Variants in KRT71 observed in about 807,000 individuals in gnomAD.
KRT71 encodes the protein keratin, type II cytoskeletal 71.
Under a neutral mutation model 46.2 loss-of-function variants are expected in KRT71, and 42 were observed. That is an observed-to-expected ratio of 0.91 (90% CI 0.71 to 1.18). The LOEUF (loss-of-function observed/expected upper bound fraction) is 1.18. KRT71 is among the 50% of genes most tolerant of loss of function. The pLI is 0.00. For synonymous variants in KRT71, 292 were observed against 277.8 expected, an observed-to-expected ratio of 1.05 and a Z score of -0.51; for missense variants, 708 against 677.9, an observed-to-expected ratio of 1.04 and a Z score of -0.49.
chr12:52,547,014 A>G (rs1486737130), intron 6 of KRT71, among the ~76,000 whole-genome samples: 5 of 152,162 alleles, frequency 3.3e-5, no homozygotes, highest in Non-Finnish European at 7.4e-5. Flanking sequence ...ACATAACTTA[A>G]CGCATTTAGT....
chr12:52,546,400 G>A lies in KRT71; in HGVS notation c.1211C>T (p.Ala404Val). 6.2e-7 allele frequency: 1 copy of A among 1,614,188 alleles called. No homozygotes were observed. The highest frequency in any genetic ancestry group is 8.5e-7 in the Non-Finnish European group (1 of 1,180,028). Residue 404 changes from alanine to valine, a missense_variant, in exon 7 of 9, where the codon GCC becomes GTC. By Grantham distance (64) the Ala-to-Val change is moderately conservative. Coordinates refer to ENST00000267119, the MANE Select transcript of KRT71 (RefSeq NM_033448.3). ...LDELEGALHQAKEELARMLRE... is the reference protein window; with the variant it reads ...LDELEGALHQVKEELARMLRE... Reference sequence around the variant, plus strand: ...CAGCATCCGCGCCAGCTCCTCCTTGGCCTGGTGCAGGGCGCCCTCCAGCTC... The same window carrying A: ...CAGCATCCGCGCCAGCTCCTCCTTGACCTGGTGCAGGGCGCCCTCCAGCTC...
intron 6 of KRT71, 144 bp from the exon 7 acceptor site, chr12:52,546,650 T>G: frequency 1.3e-6 from 1 of 794,340 alleles, no homozygotes; most frequent in Admixed American, 2.8e-5. Context: ...GCAGAGCCCC[T>G]TCTGGGGCTG....
chr12:52,549,997 T>G (rs771757607), intron 2 of KRT71, 32 bp downstream of exon 2: 1 of 1,612,542 alleles, frequency 6.2e-7, no homozygotes, highest in Non-Finnish European at 8.5e-7. Context: ...CAAGGGCAGT[T>G]GTCCAGTTAC....
chr12:52,550,052 G>C lies in KRT71; in HGVS notation c.633C>G (p.Asp211Glu). Residue 211 changes from aspartate to glutamate, a missense_variant, in exon 2 of 9, where the codon GAC (aspartate) becomes GAG (glutamate). Physicochemically the swap from Asp to Glu is conservative, Grantham distance 45. Coordinates refer to ENST00000267119, the MANE Select transcript of KRT71 (RefSeq NM_033448.3). ...ACCTCTTCTTGTAGTCCTCCACTAC[G>C]TCCCGCACATTCCTCAGCTCCGAGT... Reference protein sequence around the residue: ...RLDSELRNVRDVVEDYKKRYE... With the variant: ...RLDSELRNVREVVEDYKKRYE... 6.2e-7 allele frequency: 1 copy of C among 1,614,150 alleles called. No individual in the cohort carries two copies. Among genetic ancestry groups the C allele is most frequent in the Non-Finnish European group, 8.5e-7 (1 of 1,180,008 alleles).
In KRT71 at chr12:52,548,717, C is replaced by G; in HGVS notation, c.797G>C (p.Arg266Thr). Residue 266 changes from arginine to threonine, a missense_variant, in exon 4 of 9, where the codon AGG (arginine) becomes ACG (threonine). Transcript: ENST00000267119. ...CAGACTTACGGCTTCAAAGAGACAC[C>G]TGAAGAACTTGATCTCCTGGTCCAT... ...ESMDQEIKFF[R>T]CLFEAEITQI... 6.2e-7 allele frequency: 1 copy of G among 1,614,184 alleles called. No homozygotes were observed. Among genetic ancestry groups the G allele is most frequent in the East Asian group, 2.2e-5 (1 of 44,886 alleles).
chr12:52,544,711 A>G lies in KRT71; in HGVS notation c.1393T>C (p.Tyr465His), dbSNP rs970606494. The change falls in exon 9 of 9, where the codon TAT (tyrosine) becomes CAT (histidine). Residue 465 changes from tyrosine to histidine, a missense_variant. By Grantham distance (83) the Tyr-to-His change is moderately conservative. Transcript: ENST00000267119. ...CTGACCATGCTGGGCCGGAAGCCAT[A>G]GACACTGCCGCCACTGGTGCTGCTG... is the stretch of plus-strand genomic sequence containing the variant. The part of the protein sequence containing the change: ...IISSTSGGSV[Y>H]GFRPSMVSGG... 4 of 1,611,914 alleles carry G rather than the reference A, an allele frequency of 2.5e-6. No homozygotes were observed. Among genetic ancestry groups the G allele is most frequent in the Non-Finnish European group, 3.4e-6 (4 of 1,179,618 alleles).
Position 52,549,353 on chromosome 12 carries a change from C to T in KRT71, c.657G>A (p.Arg219=). The T allele has an allele frequency of 1.2e-6, 2 of 1,612,922 alleles. No individual in the cohort carries two copies. The highest frequency in any genetic ancestry group is 1.7e-5 in the Admixed American group (1 of 60,010). ...TCCGCTTGTTGATTTCCTCCTCATA[C>T]CTGTGGGAATGGCGAGGGCTCATTG... is the stretch of plus-strand genomic sequence containing the variant. The part of the protein sequence containing the change: ...VRDVVEDYKK[R]YEEEINKRTA... The change falls in exon 3 of 9, where the codon AGG becomes AGA. Residue 219 remains arginine, a splice_region_variant and synonymous_variant. Coordinates refer to ENST00000267119, the MANE Select transcript of KRT71 (RefSeq NM_033448.3).
In KRT71 at chr12:52,546,335, C is replaced by T; in HGVS notation, c.1276G>A (p.Asp426Asn). 1 of 1,614,200 alleles carries T rather than the reference C, an allele frequency of 6.2e-7. No homozygotes were observed. Among genetic ancestry groups the T allele is most frequent in the East Asian group, 2.2e-5 (1 of 44,872 alleles). Residue 426 changes from aspartate (D) to asparagine (N), a missense_variant, in exon 7 of 9, where the codon GAC (aspartate) becomes AAC (asparagine). Asp to Asn is a conservative substitution (Grantham distance 23, BLOSUM62 1). Transcript: ENST00000267119. ...QELMSLKLAL[D>N]MEIATYRKLL... is the part of the protein sequence containing the mutation. ...TTGCGATAGGTGGCGATCTCCATGT[C>T]CAGGGCCAGCTTCAGGCTCATGAGC...
chr12:52,553,063 G>A lies in KRT71; in HGVS notation c.15C>T (p.Phe5=), dbSNP rs1020257371. The change falls in exon 1 of 9, where the codon TTC becomes TTT. Residue 5 remains phenylalanine (F), a synonymous_variant. Coordinates refer to ENST00000267119, the MANE Select transcript of KRT71 (RefSeq NM_033448.3). MSRQ[F]TCKSGAAAKG... is the part of the protein sequence containing the mutation. ...TGGCGGCAGCTCCCGACTTGCAGGT[G>A]AATTGGCGGCTCATGTTGCTGGTGG... 4.4e-6 allele frequency: 7 copies of A among 1,579,092 alleles called. No individual in the cohort carries two copies. In the African/African-American group the frequency reaches 9.5e-5, roughly 21 times the overall value.
intron 6 of KRT71, 91 bp from the exon 7 acceptor site, chr12:52,546,597 G>A (rs1420983462): frequency 2.3e-6 from 3 of 1,285,710 alleles, no homozygotes; most frequent in African/African-American, 2.9e-5. Flanking sequence ...GTGGGGCAGA[G>A]TGGCCCGCCT....
Position 52,553,036 on chromosome 12 carries a change from C to T in KRT71, c.42G>A (p.Lys14=), listed in dbSNP as rs755322004. The change falls in exon 1 of 9, where the codon AAG becomes AAA. Residue 14 remains lysine (K), a synonymous_variant. Coordinates refer to ENST00000267119, the MANE Select transcript of KRT71 (RefSeq NM_033448.3). The stretch of plus-strand genomic sequence containing the variant: ...CAGCTGAGCAGCCACTGAAGCCCCC[C>T]TTGGCGGCAGCTCCCGACTTGCAGG... ...QFTCKSGAAA[K]GGFSGCSAVL... 6 of 1,599,452 alleles carry T rather than the reference C, an allele frequency of 3.8e-6. No individual in the cohort carries two copies.
At chr12:52,550,265 C>A (rs747956346) in intron 1 of KRT71, 22 bp from the exon 2 acceptor site, 1 of 1,613,496 alleles carries the variant, frequency 6.2e-7, no homozygotes, top group African/African-American at 1.3e-5. Flanking sequence ...ATCCCAGAAA[C>A]TGCTGAACCC....
rs115657371 is a variant in KRT71, at chr12:52,552,532, C to T, written c.441+105G>A. On this transcript the variant is annotated intron_variant, in intron 1 of 8. Transcript: ENST00000267119. ...GTACCTACCTTGTCCACAGTAAAGT[C>T]TTCCTCACATCTAACCTCAATCTCT... The T allele has an allele frequency of 4.3e-4, 523 of 1,208,036 alleles. 1 individual carries two copies. The African/African-American group carries it at 7.2e-3, about 17-fold the overall frequency. 74.8% of individuals were successfully genotyped at this position (1,208,036 alleles called of 1,614,324 possible).
chr12:52,548,744 G>A lies in KRT71; in HGVS notation c.770C>T (p.Ser257Phe), dbSNP rs1199957918. The A allele has an allele frequency of 1.2e-6, 2 of 1,614,220 alleles. No homozygotes were observed. Among genetic ancestry groups the A allele is most frequent in the Admixed American group, 1.7e-5 (1 of 60,030 alleles). The change falls in exon 4 of 9, where the codon TCC (serine) becomes TTC (phenylalanine). Residue 257 changes from serine to phenylalanine, a missense_variant. Coordinates refer to ENST00000267119, the MANE Select transcript of KRT71 (RefSeq NM_033448.3). ...NKVELQAKVESMDQEIKFFRC... is the reference protein window; with the variant it reads ...NKVELQAKVEFMDQEIKFFRC... ...GAAGAACTTGATCTCCTGGTCCATG[G>A]ATTCCACCTTGGCCTGCAGTTCCAC...
chr12:52,550,218 T>C lies in KRT71; in HGVS notation c.467A>G (p.Gln156Arg). 3.1e-6 allele frequency: 5 copies of C among 1,614,192 alleles called. No homozygotes were observed. Among genetic ancestry groups the C allele is most frequent in the Non-Finnish European group, 4.2e-6 (5 of 1,180,042 alleles). Residue 156 changes from glutamine to arginine, a missense_variant, in exon 2 of 9, where the codon CAG becomes CGG. By Grantham distance (43) the Gln-to-Arg change is conservative. Transcript: ENST00000267119. ...CAGCTCCCACTTGGTCTCCAGTACCTGGTTCTGCTGCTCCAGGAACCGCAC... is the reference window on the plus strand; with the variant it reads ...CAGCTCCCACTTGGTCTCCAGTACCCGGTTCTGCTGCTCCAGGAACCGCAC... Reference protein sequence around the residue: ...DKVRFLEQQNQVLETKWELLQ... With the variant: ...DKVRFLEQQNRVLETKWELLQ...
intron 6 of KRT71, among the ~76,000 whole-genome samples, chr12:52,547,080 C>G (rs1939070356): frequency 6.6e-6 from 1 of 152,228 alleles, no homozygotes; most frequent in Admixed American, 6.5e-5. Context: ...CACAAAGCAA[C>G]TAAGTGTTAA....
chr12:52,545,780 G>T (rs1939047290), intron 7 of KRT71, among the ~76,000 whole-genome samples, 181 bp from the exon 8 acceptor site: 1 of 152,080 alleles, frequency 6.6e-6, no homozygotes, highest in African/African-American at 2.4e-5. Context: ...CCAAATCTTT[G>T]GGGTAACCAG....
intron 8 of KRT71, 73 bp from the exon 9 acceptor site, chr12:52,544,816 A>C: frequency 7.4e-7 from 1 of 1,347,858 alleles, no homozygotes; most frequent in Non-Finnish European, 1.0e-6. Flanking sequence ...CAGGGCAGAC[A>C]GGGCTTTTCT....
intron 1 of KRT71, among the ~76,000 whole-genome samples, chr12:52,551,395 C>T (rs1352452146): frequency 6.6e-6 from 1 of 152,158 alleles, no homozygotes; most frequent in African/African-American, 2.4e-5. Context: ...AGGTTTTGAC[C>T]AGCCGAGCCA....
Sources: allele counts gnomAD v4.1 joint callset (sites outside exome capture counted in the v4.1 genomes callset), GRCh38; gene constraint gnomAD v4.1.1; transcripts MANE v1.5; gene names NCBI Gene and HGNC (gene_info 2026-07-23, HGNC 2026-07-21).